Variants in SORCS1 observed in about 807,000 individuals in gnomAD.
The protein encoded by SORCS1 is sortilin related VPS10 domain containing receptor 1.
SORCS1 carries 60 observed loss-of-function variants against 146.1 expected under a neutral mutation model. That is an observed-to-expected ratio of 0.41 (90% CI 0.33 to 0.51). The LOEUF (loss-of-function observed/expected upper bound fraction) is 0.51, where lower values mean the gene tolerates loss of function less well. SORCS1 is among the 20% of genes least tolerant of loss of function. The probability of loss-of-function intolerance (pLI) is 0.21; values close to 1 mark genes in which losing one functional copy is unlikely to be tolerated. For synonymous variants in SORCS1, 637 were observed against 584.0 expected, an observed-to-expected ratio of 1.09 and a Z score of -1.31; for missense variants, 1,352 against 1,487.6, an observed-to-expected ratio of 0.91 and a Z score of 1.50.
At chr10:106,951,880 G>A (rs538350963) in intron 2 of SORCS1, among the ~76,000 whole-genome samples, 2 of 152,210 alleles carry the variant, frequency 1.3e-5, no homozygotes, top group South Asian at 4.1e-4. Context: ...CTCCCCAATA[G>A]TCCCATAGAC....
At chr10:106,682,017 A>G (rs1250434215) in intron 10 of SORCS1, among the ~76,000 whole-genome samples, 1 of 152,106 alleles carries the variant, frequency 6.6e-6, no homozygotes, top group Non-Finnish European at 1.5e-5. Flanking sequence ...AGTCCCAGCT[A>G]CTCGGGAGGC....
chr10:106,625,504 G>A (rs1324049780), intron 19 of SORCS1, among the ~76,000 whole-genome samples: 1 of 152,104 alleles, frequency 6.6e-6, no homozygotes, highest in Non-Finnish European at 1.5e-5. Context: ...GTGGGTCTGG[G>A]ATAAGACCCA....
At position 106,878,620 on chromosome 10, in the gene SORCS1, GTATATA is replaced by G. The variant is rs3982430; in HGVS notation, c.627-48953_627-48948del. ...AAATTTGTTTTTTATAAACTACCTA[GTATATA>G]TATATATATATATATATATATATTT... On this transcript the variant is annotated intron_variant, in intron 2 of 25. Coordinates refer to ENST00000263054, the MANE Select transcript of SORCS1 (RefSeq NM_052918.5). Among the ~76,000 whole-genome samples, 303 of 84,914 alleles carry G rather than the reference GTATATA, an allele frequency of 3.6e-3. 12 individuals carry two copies. Among genetic ancestry groups the G allele is most frequent in the Middle Eastern group, 0.011 (2 of 178 alleles). 55.7% of individuals were successfully genotyped at this position (84,914 alleles called of 152,430 possible).
intron 1 of SORCS1, among the ~76,000 whole-genome samples, chr10:107,105,289 G>T (rs1965230129): frequency 6.6e-6 from 1 of 152,194 alleles, no homozygotes; most frequent in Non-Finnish European, 1.5e-5. Context: ...AAGTCAGAGT[G>T]AAAGGAAGGC....
Position 106,679,687 on chromosome 10 carries a change from G to A in SORCS1, c.1608C>T (p.Tyr536=). The stretch of plus-strand genomic sequence containing the variant: ...CTTTGCTGGCAATGATCCCTGATGT[G>A]TAGGGATTCTCAGAGACCTTCAGGT... ...HLHLKVSENP[Y]TSGIIASKDT... is the part of the protein sequence containing the mutation. Residue 536 remains tyrosine, a synonymous_variant, in exon 11 of 26, where the codon TAC becomes TAT. Coordinates refer to ENST00000263054, the MANE Select transcript of SORCS1 (RefSeq NM_052918.5). The A allele has an allele frequency of 6.2e-7, 1 of 1,612,722 alleles. No homozygotes were observed. Among genetic ancestry groups the A allele is most frequent in the East Asian group, 2.2e-5 (1 of 44,836 alleles).
intron 13 of SORCS1, among the ~76,000 whole-genome samples, chr10:106,675,525 G>A (rs141285624): frequency 7.8e-4 from 118 of 152,238 alleles, no homozygotes; most frequent in African/African-American, 2.6e-3. Flanking sequence ...CCTGAAGAGC[G>A]ATGACCTTGT....
At chr10:107,035,274 A>C (rs1958854174) in intron 1 of SORCS1, among the ~76,000 whole-genome samples, 1 of 143,304 alleles carries the variant, frequency 7.0e-6, no homozygotes, top group African/African-American at 2.7e-5. Context: ...AAAAAAAAAA[A>C]ACAACAAAAA....
At position 106,594,431 on chromosome 10, in the gene SORCS1, T is replaced by C. The variant is rs1008497799; in HGVS notation, c.3265+2920A>G. The stretch of plus-strand genomic sequence containing the variant: ...ATTAACATATCCATCATTTCAATCA[T>C]TTATCGTTTCTTTGTGGTGGGAACA... On this transcript the variant is annotated intron_variant, in intron 24 of 25. Coordinates refer to ENST00000263054, the MANE Select transcript of SORCS1 (RefSeq NM_052918.5). 2.0e-5 allele frequency among the ~76,000 whole-genome samples: 3 copies of C among 152,194 alleles called. No individual in the cohort carries two copies. The East Asian group carries it at 5.8e-4, about 29-fold the overall frequency.
At position 107,092,786 on chromosome 10, in the gene SORCS1, A is replaced by C. The variant is rs182535085; in HGVS notation, c.558+71183T>G. ...CAGGACTTGAGAAACAGAAGGCTTT[A>C]TATTTTACTTCTAAGTACCTATGCC... On this transcript the variant is annotated intron_variant, in intron 1 of 25. Transcript: ENST00000263054. Among the ~76,000 whole-genome samples the C allele has an allele frequency of 2.9e-3, 431 of 150,304 alleles. 2 individuals are homozygous for C. The highest frequency in any genetic ancestry group is 0.014 in the Middle Eastern group (4 of 294).
rs1225204381 is a variant in SORCS1, at chr10:106,573,983, T to G, written c.*3437A>C. On this transcript the variant is annotated 3_prime_UTR_variant, in exon 26 of 26. Transcript: ENST00000263054. ...CAATTATACATTACACTACATAGTATTTAACAAAAAATACATCAAAAAAGT... is the reference window on the plus strand; with the variant it reads ...CAATTATACATTACACTACATAGTAGTTAACAAAAAATACATCAAAAAAGT... 6.6e-6 allele frequency: 1 copy of G among 152,428 alleles called. No individual in the cohort carries two copies. Among genetic ancestry groups the G allele is most frequent in the Non-Finnish European group, 1.5e-5 (1 of 68,002 alleles). 9.4% of individuals were successfully genotyped at this position (152,428 alleles called of 1,614,324 possible). A position where few individuals can be genotyped will look rare whatever the true frequency, so the allele number is the denominator to read the frequency against.
intron 14 of SORCS1, among the ~76,000 whole-genome samples, chr10:106,674,420 T>C (rs2135507139): frequency 6.7e-6 from 1 of 149,538 alleles, no homozygotes; most frequent in Admixed American, 6.7e-5. Context: ...AAGTTTTCAT[T>C]GATGACCAGA....
intron 3 of SORCS1, among the ~76,000 whole-genome samples, chr10:106,804,012 G>A (rs954363260): frequency 6.6e-6 from 1 of 152,120 alleles, no homozygotes; most frequent in Non-Finnish European, 1.5e-5. Context: ...AATTTGTGGG[G>A]ATAGCATCTG....
chr10:107,065,510 C>CTCCTCTCTTTCTT lies in SORCS1; in HGVS notation c.558+98458_558+98459insAAGAAAGAGAGGA, dbSNP rs71025577. ...CTCCTCTCCTCTCCTCTCCTCTCCTCTCTTTCTTTCTTTCTTTCTTTCTCT... is the reference window on the plus strand; with the variant it reads ...CTCCTCTCCTCTCCTCTCCTCTCCTCTCCTCTCTTTCTTTCTTTCTTTCTTTCTTTCTTTCTCT... On this transcript the variant is annotated intron_variant, in intron 1 of 25. Transcript: ENST00000263054. Among the ~76,000 whole-genome samples the CTCCTCTCTTTCTT allele has an allele frequency of 2.2e-3, 192 of 86,348 alleles. 4 individuals are homozygous for CTCCTCTCTTTCTT. Among genetic ancestry groups the CTCCTCTCTTTCTT allele is most frequent in the East Asian group, 0.014 (58 of 4,204 alleles). 56.6% of individuals were successfully genotyped at this position (86,348 alleles called of 152,430 possible). A position where few individuals can be genotyped will look rare whatever the true frequency, so the allele number is the denominator to read the frequency against.
intron 1 of SORCS1, among the ~76,000 whole-genome samples, chr10:107,031,252 A>G (rs2133931406): frequency 6.6e-6 from 1 of 152,346 alleles, no homozygotes; most frequent in South Asian, 2.1e-4. Context: ...TTTCATTTAT[A>G]GCTAAGCTCC....
intron 6 of SORCS1, among the ~76,000 whole-genome samples, chr10:106,722,037 G>A (rs200030172): frequency 1.5e-3 from 232 of 151,638 alleles, no homozygotes; most frequent in African/African-American, 5.0e-3. Flanking sequence ...AAGAACATGC[G>A]TGTAAGTATA....
chr10:106,629,393 A>G lies in SORCS1; in HGVS notation c.2476-5T>C. 1 of 1,613,400 alleles carries G rather than the reference A, an allele frequency of 6.2e-7. No homozygotes were observed. On this transcript the variant is annotated splice_region_variant and splice_polypyrimidine_tract_variant and intron_variant, in intron 18 of 25. Transcript: ENST00000263054. The stretch of plus-strand genomic sequence containing the variant: ...GAGTGTCCGCTGAACATCACCCTGA[A>G]AAACAACCCAACATCAGAGGAAATG...
At chr10:106,944,034 C>T (rs1024188521) in intron 2 of SORCS1, among the ~76,000 whole-genome samples, 3 of 152,124 alleles carry the variant, frequency 2.0e-5, no homozygotes, top group Admixed American at 6.5e-5. Context: ...AAATCACCCC[C>T]ACACTCTATA....
intron 6 of SORCS1, among the ~76,000 whole-genome samples, chr10:106,710,208 G>T (rs534686364): frequency 6.6e-6 from 1 of 152,154 alleles, no homozygotes; most frequent in Non-Finnish European, 1.5e-5. Flanking sequence ...CAGCACTTTG[G>T]GAGGCCAAAG....
At chr10:106,795,318 G>A (rs1946504596) in intron 3 of SORCS1, among the ~76,000 whole-genome samples, 2 of 152,140 alleles carry the variant, frequency 1.3e-5, no homozygotes, top group Admixed American at 1.3e-4. Flanking sequence ...TGCCCAGGAA[G>A]CTTCTAGAGA....
Sources: gnomAD v4.1 joint callset for allele counts (sites outside exome capture counted in the v4.1 genomes callset) on GRCh38, gnomAD v4.1.1 for gene constraint, MANE v1.5 for transcripts, NCBI Gene and HGNC (gene_info 2026-07-23, HGNC 2026-07-21) for gene names.